DLG2: variants seen among roughly 807,000 people sequenced by gnomAD.
The protein encoded by DLG2 is disks large homolog 2.
A neutral mutation model predicts 132.5 loss-of-function variants in DLG2; 45 were observed. The observed-to-expected ratio is 0.34, with a 90% CI of 0.27 to 0.44. DLG2 has a LOEUF of 0.44. Ranked by LOEUF, DLG2 falls within the 20% of genes least tolerant of loss-of-function variation. DLG2 has a pLI of 1.00. For missense variants in DLG2, 1,045 were observed against 1,196.9 expected (o/e 0.87, Z 1.87); for synonymous variants, 424 against 419.6 (o/e 1.01, Z -0.13).
chr11:84,148,804 A>C (rs2095185447), intron 9 of DLG2, among the ~76,000 whole-genome samples: 1 of 152,170 alleles, frequency 6.6e-6, no homozygotes, highest in African/African-American at 2.4e-5. Flanking sequence ...ACTGCTCTTC[A>C]CGGTGGCTGA....
At chr11:83,600,236 GGTGTGTGTGTGTGTGT>G (rs57674131) in intron 19 of DLG2, among the ~76,000 whole-genome samples, 1 of 145,512 alleles carries the variant, frequency 6.9e-6, no homozygotes, top group African/African-American at 2.6e-5. Context: ...CTAGCTATAG[GGTGTGTGTGTGTGTGT>G]GTGTGTGTGT....
intron 8 of DLG2, among the ~76,000 whole-genome samples, chr11:84,223,564 T>C (rs1164580812): frequency 1.3e-5 from 2 of 151,584 alleles, no homozygotes; most frequent in East Asian, 3.9e-4. Flanking sequence ...GACTTTTTTT[T>C]TTTTTTTTTT....
chr11:84,314,348 G>A (rs541758044), intron 7 of DLG2, among the ~76,000 whole-genome samples: 1 of 152,052 alleles, frequency 6.6e-6, no homozygotes, highest in Non-Finnish European at 1.5e-5. Context: ...TAATTTAAGG[G>A]GTAAAAAGTA....
intron 3 of DLG2, among the ~76,000 whole-genome samples, chr11:85,455,692 T>C (rs1218063335): frequency 6.6e-6 from 1 of 152,198 alleles, no homozygotes; most frequent in African/African-American, 2.4e-5. Context: ...TTTTGAAGTA[T>C]GCTCCTTCAG....
chr11:84,979,240 G>A (rs1435431739), intron 6 of DLG2, among the ~76,000 whole-genome samples: 1 of 152,162 alleles, frequency 6.6e-6, no homozygotes, highest in Non-Finnish European at 1.5e-5. Context: ...ATTGTGGTAG[G>A]CAGTGTGGCA....
intron 6 of DLG2, among the ~76,000 whole-genome samples, chr11:84,819,052 G>A (rs1312268327): frequency 1.2e-5 from 1 of 85,566 alleles, no homozygotes; most frequent in African/African-American, 3.7e-5. Context: ...TACATACACT[G>A]GCCCACACTC....
In DLG2 at chr11:83,459,058, A is replaced by ACTT. The variant is rs972985247; in HGVS notation, c.*757_*759dup. The ACTT allele has an allele frequency of 5.2e-5, 8 of 152,558 alleles. No homozygotes were observed. Among genetic ancestry groups the ACTT allele is most frequent in the African/African-American group, 1.9e-4 (8 of 41,450 alleles). 9.5% of individuals were successfully genotyped at this position (152,558 alleles called of 1,614,324 possible). Reference sequence around the variant, plus strand: ...TAGTCTTTACAAAATATTTCACAAAACTTTTTTAACCTATAGAAATTTGTT... The same window carrying ACTT: ...TAGTCTTTACAAAATATTTCACAAAACTTCTTTTTTAACCTATAGAAATTTGTT... On this transcript the variant is annotated 3_prime_UTR_variant, in exon 28 of 28. Coordinates refer to ENST00000376104, the MANE Select transcript of DLG2 (RefSeq NM_001142699.3).
intron 7 of DLG2, among the ~76,000 whole-genome samples, chr11:84,503,472 G>A (rs2099228362): frequency 6.6e-6 from 1 of 152,156 alleles, no homozygotes; most frequent in Non-Finnish European, 1.5e-5. Flanking sequence ...CTGCTAACCA[G>A]GACCCCTCAG....
At chr11:84,468,897 G>A (rs1023677054) in intron 7 of DLG2, among the ~76,000 whole-genome samples, 3 of 151,454 alleles carry the variant, frequency 2.0e-5, no homozygotes, top group African/African-American at 7.3e-5. Context: ...GAGACTCATT[G>A]ACTAATGTAA....
At chr11:85,085,459 TTG>T (rs992350604) in intron 6 of DLG2, among the ~76,000 whole-genome samples, 5 of 152,126 alleles carry the variant, frequency 3.3e-5, no homozygotes, top group African/African-American at 4.8e-5. Context: ...TTCATTATCT[TTG>T]TGTGTTTGTA....
intron 4 of DLG2, among the ~76,000 whole-genome samples, chr11:85,243,643 C>A (rs1318572291): frequency 6.6e-6 from 1 of 151,778 alleles, no homozygotes; most frequent in African/African-American, 2.4e-5. Context: ...AGTTTTATTG[C>A]AAAGTCAAAG....
chr11:83,610,423 A>G (rs1007477926), intron 19 of DLG2, among the ~76,000 whole-genome samples: 1 of 152,204 alleles, frequency 6.6e-6, no homozygotes, highest in African/African-American at 2.4e-5. Flanking sequence ...AAAACAGAGC[A>G]AAAGGGAAAC....
At chr11:83,718,931 T>C (rs2087571043) in intron 18 of DLG2, among the ~76,000 whole-genome samples, 1 of 152,188 alleles carries the variant, frequency 6.6e-6, no homozygotes. Context: ...GGGACTAGTT[T>C]TGATCTCAGA....
intron 3 of DLG2, among the ~76,000 whole-genome samples, chr11:85,552,478 C>T (rs1262942274): frequency 1.3e-5 from 2 of 148,900 alleles, no homozygotes; most frequent in South Asian, 4.2e-4. Context: ...CAGCACCCTC[C>T]CAAAAAAAAA....
chr11:84,039,279 T>C (rs983749017), intron 11 of DLG2, among the ~76,000 whole-genome samples: 4 of 151,294 alleles, frequency 2.6e-5, no homozygotes, highest in Non-Finnish European at 5.9e-5. Context: ...GCAGGTTAGT[T>C]ACATATGTAT....
At chr11:84,663,613 C>T (rs960988717) in intron 6 of DLG2, among the ~76,000 whole-genome samples, 1 of 152,056 alleles carries the variant, frequency 6.6e-6, no homozygotes, top group Admixed American at 6.6e-5. Flanking sequence ...ACTCTAGTTT[C>T]TTTAGGACTG....
intron 19 of DLG2, among the ~76,000 whole-genome samples, chr11:83,617,141 A>C (rs2060942494): frequency 6.6e-6 from 1 of 152,220 alleles, no homozygotes; most frequent in Admixed American, 6.5e-5. Context: ...CCATATTAAT[A>C]TTAGAATCAC....
intron 7 of DLG2, among the ~76,000 whole-genome samples, chr11:84,392,256 G>A (rs755238217): frequency 2.0e-5 from 3 of 151,994 alleles, no homozygotes; most frequent in East Asian, 1.9e-4. Flanking sequence ...GCAGAGCCTC[G>A]CACACTACTA....
chr11:85,376,621 T>C (rs114155594), intron 3 of DLG2, among the ~76,000 whole-genome samples: 2,175 of 152,310 alleles, frequency 0.014, 52 homozygotes, highest in African/African-American at 0.05. Context: ...GTAAACCATA[T>C]GAAAATAAAT....
Sources: gnomAD v4.1 joint callset for allele counts (sites outside exome capture counted in the v4.1 genomes callset) on GRCh38, gnomAD v4.1.1 for gene constraint, MANE v1.5 for transcripts, NCBI Gene and HGNC (gene_info 2026-07-23, HGNC 2026-07-21) for gene names.